The following SPOCK1 variants were observed in gnomAD, a reference collection of about 807,000 sequenced individuals.
SPOCK1 encodes the protein testican-1.
A neutral mutation model predicts 55.3 loss-of-function variants in SPOCK1; 23 were observed. The ratio of observed to expected loss-of-function variants is 0.42; its 90% CI spans 0.30 to 0.59. The LOEUF (loss-of-function observed/expected upper bound fraction) is 0.59. Among genes scored for constraint, SPOCK1 ranks in the 20% least tolerant of loss-of-function variants. The pLI, the probability that SPOCK1 is intolerant of heterozygous loss-of-function variation, is 0.22. For synonymous variants in SPOCK1, 226 were observed against 221.0 expected (o/e 1.02, Z -0.20); for missense variants, 499 against 552.5 (o/e 0.90, Z 0.97).
chr5:137,042,697 G>T (rs1484518029), intron 6 of SPOCK1, among the ~76,000 whole-genome samples: 1 of 152,124 alleles, frequency 6.6e-6, no homozygotes, highest in Non-Finnish European at 1.5e-5. Context: ...AGTGGATGGT[G>T]GGAGCCAAGT....
intron 3 of SPOCK1, among the ~76,000 whole-genome samples, chr5:137,172,387 T>C (rs1177612945): frequency 3.3e-5 from 5 of 152,292 alleles, no homozygotes; most frequent in South Asian, 4.1e-4. Context: ...GGGCTTGATA[T>C]GGTGAGCGAA....
intron 2 of SPOCK1, among the ~76,000 whole-genome samples, chr5:137,319,534 G>A (rs138275137): frequency 1.3e-5 from 2 of 152,198 alleles, no homozygotes; most frequent in African/African-American, 4.8e-5. Flanking sequence ...GTAGAGTGAT[G>A]CTAGGATACA....
chr5:137,293,728 A>T (rs1043978009), intron 2 of SPOCK1, among the ~76,000 whole-genome samples: 1 of 152,228 alleles, frequency 6.6e-6, no homozygotes, highest in Non-Finnish European at 1.5e-5. Context: ...TAAAACTTTC[A>T]ACGATGCACC....
intron 2 of SPOCK1, among the ~76,000 whole-genome samples, chr5:137,281,914 T>C (rs1757171592): frequency 6.6e-6 from 1 of 152,220 alleles, no homozygotes; most frequent in African/African-American, 2.4e-5. Flanking sequence ...TGTTTCCTGG[T>C]CTAAAACATG....
intron 3 of SPOCK1, among the ~76,000 whole-genome samples, chr5:137,142,437 C>T (rs1754117851): frequency 6.6e-6 from 1 of 152,142 alleles, no homozygotes; most frequent in Admixed American, 6.5e-5. Context: ...TAACTGGCTC[C>T]CTCCACTGCC....
intron 6 of SPOCK1, among the ~76,000 whole-genome samples, chr5:137,030,481 A>G (rs1751758684): frequency 6.6e-6 from 1 of 152,260 alleles, no homozygotes; most frequent in Non-Finnish European, 1.5e-5. Context: ...CCAAACAAAA[A>G]AGAAAAAATG....
chr5:137,464,666 G>T (rs1295985794), intron 2 of SPOCK1, among the ~76,000 whole-genome samples: 2 of 152,078 alleles, frequency 1.3e-5, no homozygotes, highest in Non-Finnish European at 2.9e-5. Context: ...TCACCACAAT[G>T]AGAAGCAAGA....
intron 2 of SPOCK1, among the ~76,000 whole-genome samples, chr5:137,445,373 C>G (rs116579988): frequency 1.3e-5 from 2 of 152,044 alleles, no homozygotes; most frequent in Non-Finnish European, 2.9e-5. Context: ...TTCCTTCAAC[C>G]CTATGAATGG....
intron 3 of SPOCK1, among the ~76,000 whole-genome samples, chr5:137,252,624 A>G (rs769433876): frequency 1.3e-5 from 2 of 152,194 alleles, no homozygotes; most frequent in Non-Finnish European, 2.9e-5. Flanking sequence ...ACCAGATATA[A>G]ACACTAGGCA....
chr5:137,210,302 T>C (rs1755587716), intron 3 of SPOCK1, among the ~76,000 whole-genome samples: 1 of 152,152 alleles, frequency 6.6e-6, no homozygotes, highest in Non-Finnish European at 1.5e-5. Flanking sequence ...ACACTGAAAA[T>C]GCCACCTAAA....
intron 6 of SPOCK1, among the ~76,000 whole-genome samples, chr5:137,029,794 T>C (rs531678869): frequency 6.6e-6 from 1 of 152,330 alleles, no homozygotes; most frequent in Non-Finnish European, 1.5e-5. Context: ...CAAGAGTTCA[T>C]GACCAGCCTG....
intron 5 of SPOCK1, among the ~76,000 whole-genome samples, chr5:137,101,298 A>G (rs2127025564): frequency 6.6e-6 from 1 of 152,340 alleles, no homozygotes; most frequent in Non-Finnish European, 1.5e-5. Flanking sequence ...GTAGGCAGAG[A>G]TATCATGTGC....
At chr5:137,123,918 C>A (rs1323695977) in intron 4 of SPOCK1, among the ~76,000 whole-genome samples, 1 of 152,008 alleles carries the variant, frequency 6.6e-6, no homozygotes, top group Non-Finnish European at 1.5e-5. Flanking sequence ...AAATACCCAC[C>A]AGAAATGTTG....
chr5:137,224,681 C>T (rs914863728), intron 3 of SPOCK1, among the ~76,000 whole-genome samples: 2 of 152,180 alleles, frequency 1.3e-5, no homozygotes, highest in Non-Finnish European at 1.5e-5. Flanking sequence ...ATGAAGGTGT[C>T]TAAGCCTCTG....
chr5:137,329,014 T>C (rs948958268), intron 2 of SPOCK1, among the ~76,000 whole-genome samples: 13 of 152,208 alleles, frequency 8.5e-5, no homozygotes, highest in African/African-American at 3.1e-4. Flanking sequence ...AGACATTCTA[T>C]GAAACATGAT....
In SPOCK1 at chr5:137,043,575, T is replaced by C. The variant is rs117978659; in HGVS notation, c.589+24140A>G. ...TTTGCATCAATGGTGATAAGTCATATAGATAAGCATGTAATTATGACTTCA... is the reference window on the plus strand; with the variant it reads ...TTTGCATCAATGGTGATAAGTCATACAGATAAGCATGTAATTATGACTTCA... On this transcript the variant is annotated intron_variant, in intron 6 of 10. Coordinates refer to ENST00000394945, the MANE Select transcript of SPOCK1 (RefSeq NM_004598.4). Among the ~76,000 whole-genome samples the C allele has an allele frequency of 5.1e-4, 77 of 152,328 alleles. 1 individual carries two copies. In the East Asian group the frequency reaches 0.014, roughly 27 times the overall value.
chr5:136,977,704 A>C lies in SPOCK1; in HGVS notation c.*950T>G, dbSNP rs1240642506. ...GCTGCCCGTGTCGTGTGGGAGTCGCATGGCTTCTGCGAGAAAAGTGATTTA... is the reference window on the plus strand; with the variant it reads ...GCTGCCCGTGTCGTGTGGGAGTCGCCTGGCTTCTGCGAGAAAAGTGATTTA... On this transcript the variant is annotated 3_prime_UTR_variant, in exon 11 of 11. Coordinates refer to ENST00000394945, the MANE Select transcript of SPOCK1 (RefSeq NM_004598.4). 2.5e-6 allele frequency: 1 copy of C among 398,332 alleles called. No individual in the cohort carries two copies. The highest frequency in any genetic ancestry group is 4.4e-6 in the Non-Finnish European group (1 of 225,836). 24.7% of individuals were successfully genotyped at this position (398,332 alleles called of 1,614,324 possible).
intron 2 of SPOCK1, among the ~76,000 whole-genome samples, chr5:137,280,964 T>A (rs1169874305): frequency 6.6e-6 from 1 of 151,972 alleles, no homozygotes; most frequent in East Asian, 1.9e-4. Flanking sequence ...TGACCCACTG[T>A]AAGAAGAAGA....
chr5:137,099,592 ATG>A (rs1753222254), intron 5 of SPOCK1, among the ~76,000 whole-genome samples: 1 of 141,396 alleles, frequency 7.1e-6, no homozygotes, highest in Non-Finnish European at 1.5e-5. Context: ...ATATATATAT[ATG>A]TACACATATA....
Sources: allele counts gnomAD v4.1 joint callset (sites outside exome capture counted in the v4.1 genomes callset), GRCh38; gene constraint gnomAD v4.1.1; transcripts MANE v1.5; gene names NCBI Gene and HGNC (gene_info 2026-07-23, HGNC 2026-07-21).